DDX25: variants seen among roughly 807,000 people sequenced by gnomAD.
DDX25 encodes the protein DEAD-box helicase 25.
Under a neutral mutation model 64.6 loss-of-function variants are expected in DDX25, and 70 were observed. The ratio of observed to expected loss-of-function variants is 1.08; its 90% confidence interval spans 0.89 to 1.32. The LOEUF (loss-of-function observed/expected upper bound fraction) is 1.32. DDX25 is among the 40% of genes most tolerant of loss of function. The pLI is 0.00. For synonymous variants in DDX25, 211 were observed against 213.3 expected (o/e 0.99, Z 0.09); for missense variants, 587 against 604.4 (o/e 0.97, Z 0.30).
rs746280449 is a variant in DDX25 at position 125,922,911 on chromosome 11, C to T, written c.*30C>T. ...AGAACTTTATTGTTTGTGCAGTATCCTAGTTTATGTGAGAATGTCTCAGTG... is the reference window on the plus strand; with the variant it reads ...AGAACTTTATTGTTTGTGCAGTATCTTAGTTTATGTGAGAATGTCTCAGTG... On this transcript the variant is annotated 3_prime_UTR_variant, in exon 12 of 12. Transcript: ENST00000263576. 2 of 1,576,636 alleles carry T rather than the reference C, an allele frequency of 1.3e-6. No individual in the cohort carries two copies. Among genetic ancestry groups the T allele is most frequent in the South Asian group, 1.2e-5 (1 of 85,582 alleles).
Position 125,906,332 on chromosome 11 carries a change from T to C in DDX25, c.311+123T>C, listed in dbSNP as rs1944886896. ...TTCTGATATTCAATATTTTTTTTTG[T>C]TATTTGAGACAGAGTCTCACTCTGT... On this transcript the variant is annotated intron_variant, in intron 4 of 11. Transcript: ENST00000263576. 8 of 1,275,710 alleles carry C rather than the reference T, an allele frequency of 6.3e-6. No homozygotes were observed. In the South Asian group the frequency reaches 8.5e-5, roughly 14 times the overall value. 79.0% of individuals were successfully genotyped at this position (1,275,710 alleles called of 1,614,324 possible).
At position 125,918,648 on chromosome 11, in the gene DDX25, G is replaced by A. The variant is rs1945071212; in HGVS notation, c.1059G>A (p.Trp353Ter). The A allele has an allele frequency of 1.9e-6, 3 of 1,613,872 alleles. No individual in the cohort carries two copies. Among genetic ancestry groups the A allele is most frequent in the South Asian group, 1.1e-5 (1 of 91,062 alleles). ...CATAGACTCGTCGAAACGCTAAGTG[G>A]TTGACCGTGGAGATGATACAGGATG... Reference protein sequence around the residue: ...IFCQTRRNAKWLTVEMIQDGH... With the variant: ...IFCQTRRNAK Residue 353 changes from tryptophan (W) to a stop codon, truncating the protein, a stop_gained, in exon 10 of 12, where the codon TGG (tryptophan) becomes TGA (stop). Transcript: ENST00000263576. LOFTEE classifies it high-confidence loss of function.
rs113794726 is a variant in DDX25 at position 125,924,266 on chromosome 11, CA to C, written c.*1393del. Reference sequence around the variant, plus strand: ...TGGGCGACAGAGTGAGACTCTATCTCAAAAAAAACGCGCTCCCCTCCCTCAT... The same window carrying C: ...TGGGCGACAGAGTGAGACTCTATCTCAAAAAAACGCGCTCCCCTCCCTCAT... On this transcript the variant is annotated 3_prime_UTR_variant, in exon 12 of 12. Transcript: ENST00000263576. The C allele has an allele frequency of 0.27, 40,698 of 151,758 alleles. 5,731 individuals carry two copies. The highest frequency in any genetic ancestry group is 0.37 in the South Asian group (1,797 of 4,802). 9.4% of individuals were successfully genotyped at this position (151,758 alleles called of 1,614,324 possible).
chr11:125,905,974 G>A lies in DDX25; in HGVS notation c.176-100G>A, dbSNP rs558664755. The stretch of plus-strand genomic sequence containing the variant: ...CTCTTTTAGAGGAAAAATGAGCGTA[G>A]GTGCAATTGCTTGGTATACAACCAC... On this transcript the variant is annotated intron_variant, in intron 3 of 11. Coordinates refer to ENST00000263576, the MANE Select transcript of DDX25 (RefSeq NM_013264.5). 28 of 1,386,048 alleles carry A rather than the reference G, an allele frequency of 2.0e-5. No individual in the cohort carries two copies. The South Asian group carries it at 4.2e-4, about 21-fold the overall frequency. 85.9% of individuals were successfully genotyped at this position (1,386,048 alleles called of 1,614,324 possible).
At chr11:125,909,533 G>A (rs912651071) in intron 6 of DDX25, among the ~76,000 whole-genome samples, 1 of 151,860 alleles carries the variant, frequency 6.6e-6, no homozygotes, top group Non-Finnish European at 1.5e-5. Flanking sequence ...CAGAGTTTGG[G>A]GGAATATTCT....
chr11:125,907,445 A>G (rs1262099456), intron 4 of DDX25, among the ~76,000 whole-genome samples: 2 of 152,072 alleles, frequency 1.3e-5, no homozygotes, highest in South Asian at 4.2e-4. Context: ...CGTCTCTACT[A>G]AAAATACAAA....
intron 11 of DDX25, 73 bp from the exon 12 acceptor site, chr11:125,922,747 A>G: frequency 7.1e-7 from 1 of 1,405,326 alleles, no homozygotes; most frequent in South Asian, 1.4e-5. Context: ...CACTGTCTTC[A>G]GAAATATGGA....
intron 4 of DDX25, among the ~76,000 whole-genome samples, chr11:125,907,037 A>G (rs1379129128): frequency 6.6e-6 from 1 of 152,208 alleles, no homozygotes; most frequent in Non-Finnish European, 1.5e-5. Context: ...TAGATAAGTC[A>G]CAAACTTTTA....
chr11:125,923,025 A>G lies in DDX25; in HGVS notation c.*144A>G, dbSNP rs1037128457. On this transcript the variant is annotated 3_prime_UTR_variant, in exon 12 of 12. Transcript: ENST00000263576. Reference sequence around the variant, plus strand: ...ATAAATGTCACGGTACTTAGTTTTAAGACATGAGGTCTTTTTGAAGCCAAA... The same window carrying G: ...ATAAATGTCACGGTACTTAGTTTTAGGACATGAGGTCTTTTTGAAGCCAAA... 4 of 689,486 alleles carry G rather than the reference A, an allele frequency of 5.8e-6. No individual in the cohort carries two copies. Among genetic ancestry groups the G allele is most frequent in the Admixed American group, 6.2e-5 (2 of 32,002 alleles). 42.7% of individuals were successfully genotyped at this position (689,486 alleles called of 1,614,324 possible).
chr11:125,904,701 AG>A, intron 1 of DDX25, 121 bp downstream of exon 1: 1 of 1,166,198 alleles, frequency 8.6e-7, no homozygotes, highest in African/African-American at 1.6e-5. Context: ...CAGATGCTGG[AG>A]GGGAGATGCG....
chr11:125,909,753 G>A (rs1476492312), intron 6 of DDX25, among the ~76,000 whole-genome samples: 1 of 151,330 alleles, frequency 6.6e-6, no homozygotes, highest in African/African-American at 2.4e-5. Flanking sequence ...GGGTTCAAGT[G>A]AGTCTCCTGC....
At chr11:125,910,243 T>C in intron 6 of DDX25, 121 bp from the exon 7 acceptor site, 3 of 742,606 alleles carry the variant, frequency 4.0e-6, no homozygotes, top group African/African-American at 1.8e-5. Flanking sequence ...AAATATTTCA[T>C]TCAACCAAAA....
intron 4 of DDX25, among the ~76,000 whole-genome samples, chr11:125,907,526 T>G (rs1295798754): frequency 6.6e-6 from 1 of 151,976 alleles, no homozygotes; most frequent in Non-Finnish European, 1.5e-5. Context: ...GAGAATGGCG[T>G]GAACCCGGGA....
At chr11:125,911,571 A>T in intron 8 of DDX25, 83 bp downstream of exon 8, 1 of 1,362,450 alleles carries the variant, frequency 7.3e-7, no homozygotes, top group East Asian at 2.4e-5. Context: ...CATTATCTTT[A>T]TTGCTTAACT....
intron 1 of DDX25, 28 bp downstream of exon 1, chr11:125,904,608 A>G: frequency 6.9e-7 from 1 of 1,440,204 alleles, no homozygotes; most frequent in Non-Finnish European, 9.1e-7. Flanking sequence ...GGGGGGCCAC[A>G]GCCGCGGGGG....
chr11:125,905,335 C>T lies in DDX25; in HGVS notation c.130+57C>T. 9 of 1,533,404 alleles carry T rather than the reference C, an allele frequency of 5.9e-6. No individual in the cohort carries two copies. In the South Asian group the frequency reaches 1.1e-4, roughly 18 times the overall value. The allele number at this position is 1,533,404 out of a possible 1,614,324, so 95.0% of individuals were successfully genotyped here. On this transcript the variant is annotated intron_variant, in intron 2 of 11. Transcript: ENST00000263576. ...TCAATGATTAAAAAGTATTGTTTTGCTTTCATCACGTCCCTGCCAAGTGAA... is the reference window on the plus strand; with the variant it reads ...TCAATGATTAAAAAGTATTGTTTTGTTTTCATCACGTCCCTGCCAAGTGAA...
At chr11:125,908,598 G>A in intron 6 of DDX25, 95 bp downstream of exon 6, 1 of 1,181,636 alleles carries the variant, frequency 8.5e-7, no homozygotes, top group Non-Finnish European at 1.2e-6. Flanking sequence ...GGTTACTATG[G>A]TGATGAAATA....
Position 125,922,853 on chromosome 11 carries a change from T to G in DDX25, c.1424T>G (p.Met475Arg). 1 of 1,609,718 alleles carries G rather than the reference T, an allele frequency of 6.2e-7. No homozygotes were observed. Among genetic ancestry groups the G allele is most frequent in the Non-Finnish European group, 8.5e-7 (1 of 1,177,692 alleles). ...ATTAAGCAACTCAACGCTGAAGACA[T>G]GGATGAAATTGAAAAGATTGACTAT... ...SSIKQLNAEDMDEIEKIDY is the reference protein window; with the variant it reads ...SSIKQLNAEDRDEIEKIDY Residue 475 changes from methionine (M) to arginine (R), a missense_variant, in exon 12 of 12, where the codon ATG (methionine) becomes AGG (arginine). Transcript: ENST00000263576.
chr11:125,925,404 C>A lies in DDX25; in HGVS notation c.*2523C>A, dbSNP rs775984725. The A allele has an allele frequency of 4.8e-5, 22 of 456,292 alleles. No homozygotes were observed. The highest frequency in any genetic ancestry group is 3.4e-4 in the South Asian group (22 of 64,566). 28.3% of individuals were successfully genotyped at this position (456,292 alleles called of 1,614,324 possible). A position where few individuals can be genotyped will look rare whatever the true frequency, so the allele number is the denominator to read the frequency against. ...CCATCCTGTGTCACAGCTGCATTAA[C>A]ACGAACTGGCTAGTTTGGTGAGTCA... is the stretch of plus-strand genomic sequence containing the variant. On this transcript the variant is annotated 3_prime_UTR_variant, in exon 12 of 12. Coordinates refer to ENST00000263576, the MANE Select transcript of DDX25 (RefSeq NM_013264.5).
Sources: allele counts gnomAD v4.1 joint callset (sites outside exome capture counted in the v4.1 genomes callset), GRCh38; gene constraint gnomAD v4.1.1; transcripts MANE v1.5; gene names NCBI Gene and HGNC (gene_info 2026-07-23, HGNC 2026-07-21).